The following SRGAP1 variants were observed in gnomAD, a reference collection of about 807,000 sequenced individuals.
SRGAP1 encodes SLIT-ROBO Rho GTPase-activating protein 1.
A neutral mutation model predicts 121.9 loss-of-function variants in SRGAP1; 43 were observed. The observed-to-expected ratio is 0.35, with a 90% CI of 0.28 to 0.46. The LOEUF (loss-of-function observed/expected upper bound fraction) is 0.46, where lower values mean the gene tolerates loss of function less well. SRGAP1 is among the 20% of genes least tolerant of loss of function. The pLI, the probability that SRGAP1 is intolerant of heterozygous loss-of-function variation, is 1.00. For synonymous variants in SRGAP1, 447 were observed against 485.4 expected (o/e 0.92, Z 1.04); for missense variants, 1,102 against 1,350.9 (o/e 0.82, Z 2.89).
intron 4 of SRGAP1, among the ~76,000 whole-genome samples, chr12:64,035,688 A>G (rs972149388): frequency 2.0e-5 from 3 of 152,158 alleles, no homozygotes; most frequent in Non-Finnish European, 2.9e-5. Flanking sequence ...CTCCAAGGCC[A>G]TCCTTACTGA....
At position 64,152,805 on chromosome 12, in the gene SRGAP1, T is replaced by C. The variant is rs1383974853; in HGVS notation, c.*10133T>C. On this transcript the variant is annotated 3_prime_UTR_variant, in exon 22 of 22. Transcript: ENST00000355086. The stretch of plus-strand genomic sequence containing the variant: ...AAACCTCCCAGCTGGCATTAATTGT[T>C]CTGTTACATTTTGTTTTCATTAAAT... 1 of 151,768 alleles carries C rather than the reference T, an allele frequency of 6.6e-6. No individual in the cohort carries two copies. Among genetic ancestry groups the C allele is most frequent in the East Asian group, 1.9e-4 (1 of 5,162 alleles). 9.4% of individuals were successfully genotyped at this position (151,768 alleles called of 1,614,324 possible).
rs191329437 is a variant in SRGAP1 at position 63,959,668 on chromosome 12, A to T, written c.68-24279A>T. Among the ~76,000 whole-genome samples, 583 of 152,250 alleles carry T rather than the reference A, an allele frequency of 3.8e-3. 2 individuals are homozygous for T. Among genetic ancestry groups the T allele is most frequent in the Non-Finnish European group, 6.5e-3 (440 of 68,020 alleles). ...TTTTCTGATTATGATTCTTTTAAATAAGTCTTCCAGTTAATAATAATTACG... is the reference window on the plus strand; with the variant it reads ...TTTTCTGATTATGATTCTTTTAAATTAGTCTTCCAGTTAATAATAATTACG... On this transcript the variant is annotated intron_variant, in intron 1 of 21. Coordinates refer to ENST00000355086, the MANE Select transcript of SRGAP1 (RefSeq NM_020762.4).
At chr12:63,897,537 A>G (rs1352788924) in intron 1 of SRGAP1, among the ~76,000 whole-genome samples, 2 of 152,166 alleles carry the variant, frequency 1.3e-5, no homozygotes, top group African/African-American at 2.4e-5. Flanking sequence ...AAATTCCTCT[A>G]AAAGGAATTC....
chr12:64,062,596 A>G (rs565598471), intron 6 of SRGAP1, among the ~76,000 whole-genome samples: 5 of 151,852 alleles, frequency 3.3e-5, no homozygotes, highest in African/African-American at 9.7e-5. Flanking sequence ...GGCTCACTGC[A>G]GCCTTCAACT....
chr12:64,047,670 ATCTG>A (rs1418141852), intron 6 of SRGAP1, among the ~76,000 whole-genome samples: 11 of 152,150 alleles, frequency 7.2e-5, no homozygotes, highest in Non-Finnish European at 1.5e-4. Context: ...TCATGTCAGT[ATCTG>A]TCTTTTTTCT....
intron 1 of SRGAP1, among the ~76,000 whole-genome samples, chr12:63,966,110 G>A (rs2032784268): frequency 6.6e-6 from 1 of 152,124 alleles, no homozygotes; most frequent in African/African-American, 2.4e-5. Context: ...ATGAGACACC[G>A]TGCCCAGCCA....
At chr12:64,133,689 A>G (rs2036818866) in intron 21 of SRGAP1, among the ~76,000 whole-genome samples, 1 of 152,116 alleles carries the variant, frequency 6.6e-6, no homozygotes, top group Non-Finnish European at 1.5e-5. Flanking sequence ...TCTTCATTCA[A>G]GGGGTTCTGG....
At chr12:64,086,393 T>C (rs1273123257) in intron 10 of SRGAP1, among the ~76,000 whole-genome samples, 2 of 152,240 alleles carry the variant, frequency 1.3e-5, no homozygotes, top group Non-Finnish European at 2.9e-5. Flanking sequence ...GATGTTTTAA[T>C]GGACAGAGAA....
chr12:64,129,646 T>A (rs1210974031), intron 21 of SRGAP1, among the ~76,000 whole-genome samples: 1 of 152,138 alleles, frequency 6.6e-6, no homozygotes, highest in African/African-American at 2.4e-5. Context: ...AATGTCATAA[T>A]TACGCCTAAC....
At chr12:64,067,414 A>G (rs1260179108) in intron 8 of SRGAP1, among the ~76,000 whole-genome samples, 1 of 152,154 alleles carries the variant, frequency 6.6e-6, no homozygotes, top group Non-Finnish European at 1.5e-5. Flanking sequence ...TGTCTCTTAA[A>G]AATATTAATT....
At position 64,142,658 on chromosome 12, in the gene SRGAP1, T is replaced by G. The variant is rs754116512; in HGVS notation, c.3244T>G (p.Ser1082Ala). 6.2e-7 allele frequency: 1 copy of G among 1,609,806 alleles called. No homozygotes were observed. Among genetic ancestry groups the G allele is most frequent in the Admixed American group, 1.7e-5 (1 of 59,680 alleles). ...ACCTCCCCAGGGTCCAACAGACAAGTCATGCACAATGTAAAAACCAGCCAA... is the reference window on the plus strand; with the variant it reads ...ACCTCCCCAGGGTCCAACAGACAAGGCATGCACAATGTAAAAACCAGCCAA... The part of the protein sequence containing the change: ...APPPQGPTDK[S>A]CTM Residue 1082 changes from serine (S) to alanine (A), a missense_variant, in exon 22 of 22, where the codon TCA becomes GCA. Ser to Ala is a moderately conservative substitution (Grantham distance 99). Transcript: ENST00000355086.
chr12:63,994,935 A>G (rs866151708), intron 3 of SRGAP1, among the ~76,000 whole-genome samples: 1 of 152,244 alleles, frequency 6.6e-6, no homozygotes, highest in African/African-American at 2.4e-5. Context: ...TATGCTACGC[A>G]TAAAAATGTA....
At chr12:64,084,266 A>G (rs1195834321) in intron 10 of SRGAP1, among the ~76,000 whole-genome samples, 1 of 149,188 alleles carries the variant, frequency 6.7e-6, no homozygotes, top group African/African-American at 2.5e-5. Flanking sequence ...AGTAGCTGAA[A>G]AAAAATGTTT....
At chr12:64,028,886 G>A (rs1389171386) in intron 4 of SRGAP1, among the ~76,000 whole-genome samples, 2 of 152,180 alleles carry the variant, frequency 1.3e-5, no homozygotes, top group Non-Finnish European at 2.9e-5. Context: ...TATTACTTGT[G>A]TTGCATTCGT....
At chr12:64,026,518 T>C (rs2136480279) in intron 4 of SRGAP1, among the ~76,000 whole-genome samples, 1 of 152,306 alleles carries the variant, frequency 6.6e-6, no homozygotes, top group Middle Eastern at 3.4e-3. Context: ...ATTATGTGAA[T>C]TTGATCCTAC....
intron 1 of SRGAP1, among the ~76,000 whole-genome samples, chr12:63,915,969 G>A (rs766222828): frequency 6.6e-6 from 1 of 151,908 alleles, no homozygotes; most frequent in South Asian, 2.1e-4. Flanking sequence ...TGAAAAAGAG[G>A]CAAGTTTAAA....
At position 64,156,678 on chromosome 12, in the gene SRGAP1, G is replaced by C. The variant is rs2037166765; in HGVS notation, c.*14006G>C. The stretch of plus-strand genomic sequence containing the variant: ...CACCGAGTACAACAGGGAATAATAA[G>C]CCATCTATCTGAACGTGCACGGTTA... On this transcript the variant is annotated 3_prime_UTR_variant, in exon 22 of 22. Transcript: ENST00000355086. 1 of 152,192 alleles carries C rather than the reference G, an allele frequency of 6.6e-6. No individual in the cohort carries two copies. The allele number at this position is 152,192 out of a possible 1,614,324, so 9.4% of individuals were successfully genotyped here. A position where few individuals can be genotyped will look rare whatever the true frequency, so the allele number is the denominator to read the frequency against.
At chr12:63,978,546 T>C (rs921704837) in intron 1 of SRGAP1, among the ~76,000 whole-genome samples, 3 of 152,264 alleles carry the variant, frequency 2.0e-5, no homozygotes, top group African/African-American at 2.4e-5. Flanking sequence ...TCATTCCTTT[T>C]TATGGCTAAA....
intron 10 of SRGAP1, chr12:64,080,624 GGATCTTCA>G: frequency 3.7e-6 from 2 of 533,744 alleles, no homozygotes; most frequent in Non-Finnish European, 6.8e-6. Context: ...TCCTAGGGAG[GGATCTTCA>G]GAGTGTGGTG....
Sources: allele counts gnomAD v4.1 joint callset (sites outside exome capture counted in the v4.1 genomes callset), GRCh38; gene constraint gnomAD v4.1.1; transcripts MANE v1.5; gene names NCBI Gene and HGNC (gene_info 2026-07-23, HGNC 2026-07-21).